LUZP2: variants seen among roughly 807,000 people sequenced by gnomAD.
LUZP2 encodes leucine zipper protein 2.
In LUZP2, 52 loss-of-function variants were observed where a neutral mutation model predicts 51.6. That is an observed-to-expected ratio of 1.01 (90% CI 0.81 to 1.27). LUZP2 has a LOEUF of 1.27. Ranked by LOEUF, LUZP2 falls within the 50% of genes most tolerant of loss-of-function variation. The pLI, the probability that LUZP2 is intolerant of heterozygous loss-of-function variation, is 0.00. For synonymous variants in LUZP2, 154 were observed against 137.3 expected, an observed-to-expected ratio of 1.12 and a Z score of -0.85; for missense variants, 436 against 395.4, an observed-to-expected ratio of 1.10 and a Z score of -0.87.
chr11:25,034,292 G>T (rs1445603417), intron 9 of LUZP2, among the ~76,000 whole-genome samples: 1 of 151,838 alleles, frequency 6.6e-6, no homozygotes, highest in East Asian at 1.9e-4. Context: ...TTTGCCTGTT[G>T]ATTTAATTTC....
At chr11:24,836,775 T>A (rs539063417) in intron 5 of LUZP2, among the ~76,000 whole-genome samples, 1 of 151,874 alleles carries the variant, frequency 6.6e-6, no homozygotes, top group East Asian at 1.9e-4. Flanking sequence ...AAAAGCAAAA[T>A]ATAGTTCTAG....
intron 5 of LUZP2, among the ~76,000 whole-genome samples, chr11:24,881,249 C>T (rs1312989055): frequency 3.3e-5 from 5 of 150,094 alleles, no homozygotes; most frequent in Admixed American, 2.0e-4. Context: ...TTTGGTTTAG[C>T]TGAAGGAAAG....
At chr11:24,920,540 G>A (rs1237329494) in intron 7 of LUZP2, among the ~76,000 whole-genome samples, 2 of 151,976 alleles carry the variant, frequency 1.3e-5, no homozygotes, top group Non-Finnish European at 2.9e-5. Context: ...AGAATCAATT[G>A]TAATATTCAT....
intron 5 of LUZP2, among the ~76,000 whole-genome samples, chr11:24,885,431 T>C (rs1026173793): frequency 3.3e-5 from 5 of 152,060 alleles, no homozygotes; most frequent in African/African-American, 1.2e-4. Flanking sequence ...AAACAAGGAC[T>C]CAAGATGTTA....
chr11:24,732,191 A>T lies in LUZP2; in HGVS notation c.251+3A>T, dbSNP rs759322623. The T allele has an allele frequency of 3.8e-6, 6 of 1,598,092 alleles. No homozygotes were observed. In the South Asian group the frequency reaches 6.8e-5, roughly 18 times the overall value. Reference sequence around the variant, plus strand: ...CTGGAATTAGGACAGAAACAAAGGTAAGACTTTTCTTTTTTTCTTAGTTAT... The same window carrying T: ...CTGGAATTAGGACAGAAACAAAGGTTAGACTTTTCTTTTTTTCTTAGTTAT... On this transcript the variant is annotated splice_donor_region_variant and intron_variant, in intron 3 of 11. Transcript: ENST00000336930.
chr11:24,992,035 G>C (rs1856363421), intron 9 of LUZP2, among the ~76,000 whole-genome samples: 1 of 152,016 alleles, frequency 6.6e-6, no homozygotes, highest in Non-Finnish European at 1.5e-5. Flanking sequence ...ATACTCTGCT[G>C]ACTGTTCCTT....
intron 9 of LUZP2, among the ~76,000 whole-genome samples, chr11:24,999,165 A>G (rs1162140631): frequency 1.3e-5 from 2 of 152,176 alleles, no homozygotes; most frequent in African/African-American, 2.4e-5. Flanking sequence ...CATGCCTAAG[A>G]ATTTTCACTT....
chr11:24,501,434 A>G (rs2133750192), intron 1 of LUZP2, among the ~76,000 whole-genome samples: 1 of 152,354 alleles, frequency 6.6e-6, no homozygotes, highest in African/African-American at 2.4e-5. Flanking sequence ...CTAAGAAGCA[A>G]AGATCACTGA....
In LUZP2 at chr11:24,510,669, C is replaced by T. The variant is rs147762325; in HGVS notation, c.62+13364C>T. Among the ~76,000 whole-genome samples the T allele has an allele frequency of 2.9e-3, 438 of 152,036 alleles. 1 individual carries two copies. Among genetic ancestry groups the T allele is most frequent in the African/African-American group, 9.7e-3 (404 of 41,456 alleles). On this transcript the variant is annotated intron_variant, in intron 1 of 11. Coordinates refer to ENST00000336930, the MANE Select transcript of LUZP2 (RefSeq NM_001009909.4). ...ACTCTGTTAAATATATATACGTATA[C>T]CACATTTATATTATATAACATATTG...
intron 1 of LUZP2, among the ~76,000 whole-genome samples, chr11:24,518,763 G>C (rs1850554413): frequency 6.6e-6 from 1 of 152,210 alleles, no homozygotes; most frequent in East Asian, 1.9e-4. Context: ...CTTTATTCCA[G>C]TGAACAGTTT....
intron 1 of LUZP2, among the ~76,000 whole-genome samples, chr11:24,657,169 T>C (rs1404718956): frequency 6.6e-6 from 1 of 152,110 alleles, no homozygotes; most frequent in Non-Finnish European, 1.5e-5. Flanking sequence ...ATTGTAGTAG[T>C]CATGTTGAGA....
chr11:24,660,862 A>G (rs1204633247), intron 1 of LUZP2, among the ~76,000 whole-genome samples: 1 of 152,196 alleles, frequency 6.6e-6, no homozygotes, highest in Non-Finnish European at 1.5e-5. Context: ...AAGATATGAA[A>G]TAATACTGCT....
At chr11:24,558,318 C>A (rs1420817732) in intron 1 of LUZP2, among the ~76,000 whole-genome samples, 2 of 152,060 alleles carry the variant, frequency 1.3e-5, no homozygotes, top group Non-Finnish European at 2.9e-5. Context: ...AGGCAGTCTA[C>A]AGGTGGGATT....
At chr11:24,781,836 C>T (rs1315073314) in intron 5 of LUZP2, among the ~76,000 whole-genome samples, 1 of 151,910 alleles carries the variant, frequency 6.6e-6, no homozygotes, top group African/African-American at 2.4e-5. Flanking sequence ...TAGATGTCCT[C>T]CCCCATGATT....
chr11:25,014,792 T>A (rs1387383101), intron 9 of LUZP2, among the ~76,000 whole-genome samples: 2 of 152,192 alleles, frequency 1.3e-5, no homozygotes, highest in African/African-American at 2.4e-5. Flanking sequence ...TTGTTGCCAT[T>A]GCTTTTGGTG....
At chr11:25,002,723 A>G (rs997097151) in intron 9 of LUZP2, among the ~76,000 whole-genome samples, 5 of 152,206 alleles carry the variant, frequency 3.3e-5, no homozygotes, top group Non-Finnish European at 7.3e-5. Flanking sequence ...AAGGACTCCA[A>G]GAGCTATCCC....
intron 7 of LUZP2, among the ~76,000 whole-genome samples, chr11:24,941,928 A>G (rs913133992): frequency 2.0e-5 from 3 of 151,980 alleles, no homozygotes; most frequent in African/African-American, 7.2e-5. Context: ...TTTGCAGTCA[A>G]TTCCCTCTCC....
chr11:25,025,425 C>T (rs1277231531), intron 9 of LUZP2, among the ~76,000 whole-genome samples: 1 of 152,148 alleles, frequency 6.6e-6, no homozygotes. Flanking sequence ...CCAGAATCTA[C>T]AAATAATTTA....
chr11:24,957,484 C>T (rs543284112), intron 7 of LUZP2, among the ~76,000 whole-genome samples: 2 of 151,836 alleles, frequency 1.3e-5, no homozygotes, highest in African/African-American at 4.8e-5. Flanking sequence ...GGCTTTGTAC[C>T]CTTTGACTTC....
Sources: allele counts gnomAD v4.1 joint callset (sites outside exome capture counted in the v4.1 genomes callset), GRCh38; gene constraint gnomAD v4.1.1; transcripts MANE v1.5; gene names NCBI Gene and HGNC (gene_info 2026-07-23, HGNC 2026-07-21).